CTSC: variants seen among roughly 807,000 people sequenced by gnomAD.
CTSC encodes cathepsin C.
Under a neutral mutation model 40.9 loss-of-function variants are expected in CTSC, and 37 were observed. The ratio of observed to expected loss-of-function variants is 0.91; its 90% confidence interval spans 0.70 to 1.19. The LOEUF is 1.19. Ranked by LOEUF, CTSC falls within the 50% of genes most tolerant of loss-of-function variation. CTSC has a pLI of 0.00. For synonymous variants in CTSC, 232 were observed against 207.4 expected, an observed-to-expected ratio of 1.12 and a Z score of -1.02; for missense variants, 594 against 567.3, an observed-to-expected ratio of 1.05 and a Z score of -0.48.
rs140362372 is a variant in CTSC at position 88,326,760 on chromosome 11, C to T, written c.318+8177G>A. Among the ~76,000 whole-genome samples, 368 of 152,284 alleles carry T rather than the reference C, an allele frequency of 2.4e-3. 1 individual carries two copies. Among genetic ancestry groups the T allele is most frequent in the Non-Finnish European group, 3.8e-3 (256 of 68,012 alleles). ...CAGGCTAAATATAGTAACTTAGATACATTAACATGTATACCTTGCAAACTT... is the reference window on the plus strand; with the variant it reads ...CAGGCTAAATATAGTAACTTAGATATATTAACATGTATACCTTGCAAACTT... On this transcript the variant is annotated intron_variant, in intron 2 of 6. Coordinates refer to ENST00000227266, the MANE Select transcript of CTSC (RefSeq NM_001814.6).
intron 2 of CTSC, among the ~76,000 whole-genome samples, chr11:88,329,937 C>T (rs1332810179): frequency 2.0e-5 from 3 of 152,134 alleles, no homozygotes; most frequent in Non-Finnish European, 4.4e-5. Context: ...ACGTTGGCCA[C>T]GCTAGTCTCC....
At chr11:88,298,338 C>G (rs1944320314) in intron 5 of CTSC, 1 of 152,208 alleles carries the variant, frequency 6.6e-6, no homozygotes, top group Non-Finnish European at 1.5e-5. Flanking sequence ...CTTCTCTTCC[C>G]TCTCATACCT....
At chr11:88,294,680 T>A (rs938581969) in intron 6 of CTSC, among the ~76,000 whole-genome samples, 172 bp from the exon 7 acceptor site, 1 of 152,220 alleles carries the variant, frequency 6.6e-6, no homozygotes, top group Admixed American at 6.5e-5. Context: ...TATCCTTTCA[T>A]CCTCCTTCTA....
At chr11:88,326,342 A>C (rs1366715994) in intron 2 of CTSC, 1 of 1,613,960 alleles carries the variant, frequency 6.2e-7, no homozygotes, top group South Asian at 1.1e-5. Context: ...TAGCTGCTAC[A>C]GGTAGGTCCA....
chr11:88,332,198 GT>G (rs1054701982), intron 2 of CTSC, among the ~76,000 whole-genome samples: 4 of 152,158 alleles, frequency 2.6e-5, no homozygotes, highest in African/African-American at 9.7e-5. Context: ...GGTTGAGTAT[GT>G]TTTCGTTTAT....
At position 88,312,467 on chromosome 11, in the gene CTSC, A is replaced by G; in HGVS notation, c.406T>C (p.Cys136Arg). 6.2e-7 allele frequency: 1 copy of G among 1,614,198 alleles called. No individual in the cohort carries two copies. The highest frequency in any genetic ancestry group is 1.7e-5 in the Admixed American group (1 of 60,024). The change falls in exon 3 of 7, where the codon TGT becomes CGT. Residue 136 changes from cysteine to arginine, a missense_variant. Physicochemically the swap from Cys to Arg is radical, Grantham distance 180. Transcript: ENST00000227266. ...GTTCCCACCTTCTTTCCGGTGAAAC[A>G]AGCCCAGTTCCGGCCCAACACATCA... is the stretch of plus-strand genomic sequence containing the variant. ...VHDVLGRNWA[C>R]FTGKKVGTAS...
In CTSC at chr11:88,330,922, G is replaced by A. The variant is rs78819797; in HGVS notation, c.318+4015C>T. Among the ~76,000 whole-genome samples, 50 of 152,320 alleles carry A rather than the reference G, an allele frequency of 3.3e-4. No individual in the cohort carries two copies. The East Asian group carries it at 9.5e-3, about 29-fold the overall frequency. ...ATAAAGCAAGTTTCTAGCAATAGGA[G>A]CTATTCTGATTGATTCCGAAGTGGA... On this transcript the variant is annotated intron_variant, in intron 2 of 6. Transcript: ENST00000227266.
At chr11:88,316,289 T>G (rs900340235) in intron 2 of CTSC, among the ~76,000 whole-genome samples, 1 of 152,196 alleles carries the variant, frequency 6.6e-6, no homozygotes, top group Non-Finnish European at 1.5e-5. Flanking sequence ...CGTTCCTCTC[T>G]GTACTTTCAG....
At position 88,335,088 on chromosome 11, in the gene CTSC, G is replaced by GAA. The variant is rs11326739; in HGVS notation, c.173-8_173-7dup. ...TACTTTTTTTTCTTGTGGTCCTAAA[G>GAA]AAAAAAAAAAAAAGCACAATAAAGG... On this transcript the variant is annotated splice_polypyrimidine_tract_variant and splice_region_variant and intron_variant, in intron 1 of 6. Transcript: ENST00000227266. 1,101 of 1,219,870 alleles carry GAA rather than the reference G, an allele frequency of 9.0e-4. No homozygotes were observed. The highest frequency in any genetic ancestry group is 1.1e-3 in the Non-Finnish European group (967 of 876,622). 75.6% of individuals were successfully genotyped at this position (1,219,870 alleles called of 1,614,324 possible). A position where few individuals can be genotyped will look rare whatever the true frequency, so the allele number is the denominator to read the frequency against.
At chr11:88,326,706 G>T (rs535557314) in intron 2 of CTSC, among the ~76,000 whole-genome samples, 1 of 152,080 alleles carries the variant, frequency 6.6e-6, no homozygotes, top group African/African-American at 2.4e-5. Flanking sequence ...TGAAAAAAAC[G>T]AATATGTTTC....
At chr11:88,320,825 T>C in intron 2 of CTSC, 1 of 874,354 alleles carries the variant, frequency 1.1e-6, no homozygotes, top group Non-Finnish European at 1.4e-6. Context: ...TTACATAACA[T>C]TCTTTATTTT....
chr11:88,336,279 G>T (rs1591248264), intron 1 of CTSC, among the ~76,000 whole-genome samples: 1 of 147,252 alleles, frequency 6.8e-6, no homozygotes, highest in East Asian at 2.0e-4. Context: ...GGTGACTCCC[G>T]CCTGTAATCC....
chr11:88,312,262 A>C, intron 3 of CTSC, 126 bp downstream of exon 3: 14 of 861,086 alleles, frequency 1.6e-5, no homozygotes, highest in Non-Finnish European at 2.6e-5. Flanking sequence ...GGTTTTACAT[A>C]GCATGCCTAA....
At chr11:88,332,720 GA>G (rs1024783577) in intron 2 of CTSC, among the ~76,000 whole-genome samples, 1 of 152,140 alleles carries the variant, frequency 6.6e-6, no homozygotes, top group Non-Finnish European at 1.5e-5. Flanking sequence ...TTTTTCTGCA[GA>G]AAAAGAAAAC....
At chr11:88,330,907 T>C (rs1938336039) in intron 2 of CTSC, among the ~76,000 whole-genome samples, 1 of 152,168 alleles carries the variant, frequency 6.6e-6, no homozygotes, top group South Asian at 2.1e-4. Flanking sequence ...ATAAAGCAAG[T>C]TTCTAGCAAT....
chr11:88,296,316 A>T, intron 5 of CTSC, 52 bp from the exon 6 acceptor site: 1 of 1,609,502 alleles, frequency 6.2e-7, no homozygotes, highest in South Asian at 1.1e-5. Context: ...AGCCTCACAG[A>T]GAATCATGCA....
At chr11:88,297,309 T>C (rs1284239275) in intron 5 of CTSC, 2 of 152,240 alleles carry the variant, frequency 1.3e-5, no homozygotes. Flanking sequence ...AAGAACATTG[T>C]ACATTGTACA....
intron 4 of CTSC, among the ~76,000 whole-genome samples, chr11:88,304,583 G>A (rs1937613850): frequency 6.6e-6 from 1 of 152,186 alleles, no homozygotes. Context: ...GTAAGATGAG[G>A]CTGAGACCTA....
At chr11:88,319,453 A>C (rs544286601) in intron 2 of CTSC, among the ~76,000 whole-genome samples, 2 of 152,234 alleles carry the variant, frequency 1.3e-5, no homozygotes, top group East Asian at 3.9e-4. Flanking sequence ...TTTAACAAAA[A>C]TGTGTCAAAA....
Sources: allele counts gnomAD v4.1 joint callset (sites outside exome capture counted in the v4.1 genomes callset), GRCh38; gene constraint gnomAD v4.1.1; transcripts MANE v1.5; gene names NCBI Gene and HGNC (gene_info 2026-07-23, HGNC 2026-07-21).